The following CASP6 variants were observed in gnomAD, a reference collection of about 807,000 sequenced individuals.
The protein encoded by CASP6 is caspase 6, also known as caspase-6.
Under a neutral mutation model 31.8 loss-of-function variants are expected in CASP6, and 20 were observed. The ratio of observed to expected loss-of-function variants is 0.63; its 90% CI spans 0.44 to 0.91. The LOEUF (loss-of-function observed/expected upper bound fraction) is 0.91, where lower values mean the gene tolerates loss of function less well. Ranked by LOEUF, CASP6 falls within the 40% of genes least tolerant of loss-of-function variation. CASP6 has a pLI of 0.00. For missense variants in CASP6, 328 were observed against 361.1 expected (o/e 0.91, Z 0.74); for synonymous variants, 130 against 127.8 (o/e 1.02, Z -0.12).
intron 3 of CASP6, 127 bp from the exon 4 acceptor site, chr4:109,696,613 A>G: frequency 1.7e-6 from 1 of 593,568 alleles, no homozygotes; most frequent in South Asian, 2.2e-5. Flanking sequence ...AAAAGAAATG[A>G]AATATAACAA....
downstream of CASP6, among the ~76,000 whole-genome samples, chr4:109,684,038 G>A (rs1268598089): frequency 2.6e-5 from 4 of 151,276 alleles, no homozygotes; most frequent in South Asian, 2.1e-4. Flanking sequence ...TAATGCAGAT[G>A]TGCATTTGTT....
chr4:109,687,508 A>AT (rs1381567624), downstream of CASP6: 7 of 1,601,640 alleles, frequency 4.4e-6, no homozygotes, highest in Admixed American at 1.0e-4. Flanking sequence ...TCTTTTTCCC[A>AT]TGACAGGCTA....
At chr4:109,682,579 C>T in the CASP6 span, 13 of 1,597,916 alleles carry the variant, frequency 8.1e-6, no homozygotes, top group South Asian at 1.1e-5. Context: ...TGTCTTTTCT[C>T]AGAAAAACCA....
downstream of CASP6, chr4:109,685,205 T>A (rs769112817): frequency 1.2e-6 from 1 of 810,572 alleles, no homozygotes; most frequent in South Asian, 1.4e-5. Flanking sequence ...AGGCATTATG[T>A]TCATTCAAAA....
At chr4:109,706,004 ATATATATATAT>A (rs1730598100), upstream of CASP6, among the ~76,000 whole-genome samples, 2 of 44,060 alleles carry the variant, frequency 4.5e-5, no homozygotes, top group African/African-American at 3.2e-4. Flanking sequence ...AAAAAAAAAT[ATATATATATAT>A]ATATATATAT....
At chr4:109,664,665 G>A in the CASP6 span, among the ~76,000 whole-genome samples, 2 of 152,052 alleles carry the variant, frequency 1.3e-5, no homozygotes, top group Admixed American at 6.6e-5. Context: ...ACCTTTAGCT[G>A]TGAGGTTTCC....
intron 6 of CASP6, among the ~76,000 whole-genome samples, chr4:109,690,196 T>TACACAC (rs60978760): frequency 8.8e-6 from 1 of 113,938 alleles, no homozygotes; most frequent in South Asian, 2.7e-4. Flanking sequence ...AAAAAAAAAA[T>TACACAC]ACACACACAC....
At chr4:109,687,374 A>T, downstream of CASP6, 1 of 585,530 alleles carries the variant, frequency 1.7e-6, no homozygotes, top group Non-Finnish European at 3.0e-6. Flanking sequence ...AAATATATAT[A>T]TATTTCAGCC....
At chr4:109,688,520 G>A (rs1729909616), downstream of CASP6, 2 of 151,934 alleles carry the variant, frequency 1.3e-5, no homozygotes, top group Admixed American at 6.6e-5. Flanking sequence ...CACAAAATGT[G>A]GTAATTCATA....
At chr4:109,701,347 G>C (rs1302475517) in intron 1 of CASP6, among the ~76,000 whole-genome samples, 1 of 152,152 alleles carries the variant, frequency 6.6e-6, no homozygotes, top group African/African-American at 2.4e-5. Context: ...GAGCTACCCT[G>C]TATAACAGAT....
At chr4:109,687,688 C>T, downstream of CASP6, 3 of 741,046 alleles carry the variant, frequency 4.0e-6, no homozygotes, top group Non-Finnish European at 6.9e-6. Flanking sequence ...ATTGTTTAAT[C>T]TTTGTTATTA....
At chr4:109,681,399 TTGTCTC>T in the CASP6 span, 6 of 443,852 alleles carry the variant, frequency 1.4e-5, no homozygotes. Flanking sequence ...GGGTCTAAAG[TTGTCTC>T]TGGCGATCTA....
At chr4:109,690,588 G>A (rs972769576) in intron 6 of CASP6, among the ~76,000 whole-genome samples, 2 of 151,896 alleles carry the variant, frequency 1.3e-5, no homozygotes, top group African/African-American at 4.8e-5. Flanking sequence ...CTCAGTAACT[G>A]ATGGTAGGCT....
chr4:109,689,176 T>G lies in CASP6; in HGVS notation c.*154A>C. On this transcript the variant is annotated 3_prime_UTR_variant, in exon 7 of 7. Coordinates refer to ENST00000265164, the MANE Select transcript of CASP6 (RefSeq NM_001226.4). The stretch of plus-strand genomic sequence containing the variant: ...TTGCATTTTTAGTAGAGACGGGGCT[T>G]CTCCATGTTGGTCAGGCTGGTCTCG... The G allele has an allele frequency of 1.5e-6, 1 of 676,068 alleles. No individual in the cohort carries two copies. Among genetic ancestry groups the G allele is most frequent in the Non-Finnish European group, 2.6e-6 (1 of 386,784 alleles). 41.9% of individuals were successfully genotyped at this position (676,068 alleles called of 1,614,324 possible).
chr4:109,703,500 C>G, upstream of CASP6: 1 of 1,446,630 alleles, frequency 6.9e-7, no homozygotes, highest in Non-Finnish European at 9.4e-7. Context: ...CCGCCCCCTG[C>G]CCCCGAGCGT....
chr4:109,707,129 A>T (rs748809253), upstream of CASP6, among the ~76,000 whole-genome samples: 31 of 152,328 alleles, frequency 2.0e-4, no homozygotes, highest in Middle Eastern at 3.4e-3. Context: ...GTTATTGCAC[A>T]CTTAACAGAC....
At chr4:109,706,056 A>G (rs1426400755), upstream of CASP6, among the ~76,000 whole-genome samples, 1 of 123,718 alleles carries the variant, frequency 8.1e-6, no homozygotes, top group Admixed American at 8.8e-5. Flanking sequence ...ACATATATAA[A>G]TATTTAAAAA....
chr4:109,685,452 C>T (rs1579101374), downstream of CASP6: 2 of 613,544 alleles, frequency 3.3e-6, no homozygotes, highest in East Asian at 5.2e-5. Flanking sequence ...CTCATCCTCA[C>T]AAATTAAATC....
intron 3 of CASP6, 157 bp from the exon 4 acceptor site, chr4:109,696,643 C>T (rs1579110569): frequency 1.8e-6 from 1 of 569,948 alleles, no homozygotes; most frequent in Non-Finnish European, 3.1e-6. Flanking sequence ...TCCCTTCATT[C>T]ACCATGGTCG....
Sources: gnomAD v4.1 joint callset for allele counts (sites outside exome capture counted in the v4.1 genomes callset) on GRCh38, gnomAD v4.1.1 for gene constraint, MANE v1.5 for transcripts, NCBI Gene and HGNC (gene_info 2026-07-23, HGNC 2026-07-21) for gene names.